Variants in CUL1 observed in about 807,000 individuals in gnomAD.
The protein encoded by CUL1 is cullin 1.
In CUL1, 24 loss-of-function variants were observed where a neutral mutation model predicts 118.0. The ratio of observed to expected loss-of-function variants is 0.20; its 90% CI spans 0.15 to 0.29. The LOEUF is 0.29. Among genes scored for constraint, CUL1 ranks in the 10% least tolerant of loss-of-function variants. CUL1 has a pLI of 1.00. For missense variants in CUL1, 361 were observed against 933.8 expected (o/e 0.39, Z 7.99); for synonymous variants, 332 against 340.4 (o/e 0.98, Z 0.27).
chr7:148,706,909 G>A (rs964500919), intron 1 of CUL1, among the ~76,000 whole-genome samples: 1 of 152,150 alleles, frequency 6.6e-6, no homozygotes, highest in South Asian at 2.1e-4. Context: ...TAAGGTATGG[G>A]AATAGGAGGG....
intron 3 of CUL1, among the ~76,000 whole-genome samples, chr7:148,756,040 G>T (rs1226184434): frequency 6.6e-6 from 1 of 152,160 alleles, no homozygotes; most frequent in African/African-American, 2.4e-5. Flanking sequence ...CGTTTTTAAA[G>T]GGTAAGGTTT....
At chr7:148,735,974 A>C (rs1460314235) in intron 2 of CUL1, among the ~76,000 whole-genome samples, 1 of 150,570 alleles carries the variant, frequency 6.6e-6, no homozygotes, top group East Asian at 2.0e-4. Context: ...GGAGTTTGAG[A>C]CCAGTCTGGG....
In CUL1 at chr7:148,703,870, G is replaced by T. The variant is rs550529469; in HGVS notation, c.-162+4841G>T. On this transcript the variant is annotated intron_variant, in intron 1 of 21. Coordinates refer to ENST00000325222, the MANE Select transcript of CUL1 (RefSeq NM_003592.3). ...AGTAGTAAAAATGGCTGTCATTTTA[G>T]GGGGGTAAGCTTGGGTGCTTTTAAA... is the stretch of plus-strand genomic sequence containing the variant. 1.6e-4 allele frequency among the ~76,000 whole-genome samples: 24 copies of T among 152,198 alleles called. No individual in the cohort carries two copies. In the East Asian group the frequency reaches 4.6e-3, roughly 29 times the overall value.
At position 148,769,033 on chromosome 7, in the gene CUL1, C is replaced by G. The variant is rs149710198; in HGVS notation, c.1083+1284C>G. The stretch of plus-strand genomic sequence containing the variant: ...AGTAAAAACTTAAGTACAGAGTCCT[C>G]AGTGTCGGCACATACAGTGTCTTTA... On this transcript the variant is annotated intron_variant, in intron 9 of 21. Transcript: ENST00000325222. 6.4e-3 allele frequency among the ~76,000 whole-genome samples: 981 copies of G among 152,220 alleles called. 16 individuals carry two copies. The highest frequency in any genetic ancestry group is 0.022 in the African/African-American group (921 of 41,522).
At chr7:148,712,906 T>C (rs966689676) in intron 1 of CUL1, among the ~76,000 whole-genome samples, 9 of 152,332 alleles carry the variant, frequency 5.9e-5, no homozygotes, top group Admixed American at 2.0e-4. Context: ...ATTATTTCTT[T>C]AGTAAAATAT....
intron 2 of CUL1, among the ~76,000 whole-genome samples, chr7:148,731,827 G>A (rs1362458528): frequency 6.6e-6 from 1 of 152,144 alleles, no homozygotes; most frequent in South Asian, 2.1e-4. Context: ...CATGCTTGGA[G>A]GCTTCATCCT....
intron 1 of CUL1, among the ~76,000 whole-genome samples, chr7:148,703,945 T>C (rs867818778): frequency 6.6e-6 from 1 of 152,118 alleles, no homozygotes; most frequent in African/African-American, 2.4e-5. Context: ...AGCATGGCGA[T>C]CTCAAGATGG....
At chr7:148,719,910 T>C (rs185832209) in intron 1 of CUL1, among the ~76,000 whole-genome samples, 203 of 152,326 alleles carry the variant, frequency 1.3e-3, no homozygotes, top group Non-Finnish European at 2.4e-3. Context: ...GGAGGTGGAA[T>C]GAGAAACTCC....
chr7:148,726,833 C>CAAAA (rs11408081), intron 1 of CUL1, among the ~76,000 whole-genome samples: 2 of 131,678 alleles, frequency 1.5e-5, no homozygotes, highest in Non-Finnish European at 1.6e-5. Context: ...CCATCTCTAC[C>CAAAA]AAAAAAAAAA....
intron 7 of CUL1, among the ~76,000 whole-genome samples, chr7:148,760,822 A>G (rs1243526994): frequency 6.6e-6 from 1 of 152,242 alleles, no homozygotes; most frequent in Non-Finnish European, 1.5e-5. Flanking sequence ...TTAAGAAACA[A>G]ATATTTTCAG....
At chr7:148,798,534 A>C (rs1366668320) in intron 19 of CUL1, 38 bp from the exon 20 acceptor site, 2 of 1,486,706 alleles carry the variant, frequency 1.3e-6, no homozygotes, top group East Asian at 4.5e-5. Flanking sequence ...CCTACCTTTT[A>C]ATATAATAGT....
chr7:148,720,661 A>AACT (rs1450922284), intron 1 of CUL1, among the ~76,000 whole-genome samples: 2 of 152,200 alleles, frequency 1.3e-5, no homozygotes, highest in African/African-American at 2.4e-5. Context: ...GGCTTCTGAC[A>AACT]ACTAAGTCAG....
At chr7:148,756,132 A>AAATCTGGATAAAAAAATCTGGATAAAAAT (rs1799649370) in intron 3 of CUL1, among the ~76,000 whole-genome samples, 1 of 152,260 alleles carries the variant, frequency 6.6e-6, no homozygotes, top group South Asian at 2.1e-4. Context: ...CAAGTTGTGG[A>AAATCTGGATAAAAAAATCTGGATAAAAAT]AATCTGGATA....
At chr7:148,766,365 ATCC>A (rs1800006337) in intron 7 of CUL1, among the ~76,000 whole-genome samples, 193 bp from the exon 8 acceptor site, 1 of 152,078 alleles carries the variant, frequency 6.6e-6, no homozygotes, top group Non-Finnish European at 1.5e-5. Flanking sequence ...GCCTCGAGCA[ATCC>A]TCCTGCTTCA....
chr7:148,789,741 G>A lies in CUL1; in HGVS notation c.1598-9G>A, dbSNP rs554051412. ...GAATGTTCACTCTCCCCTCTCTTCC[G>A]TCCCACAGTGGATTTCAGCATTCAA... On this transcript the variant is annotated splice_polypyrimidine_tract_variant and intron_variant, in intron 14 of 21. Coordinates refer to ENST00000325222, the MANE Select transcript of CUL1 (RefSeq NM_003592.3). 110 of 1,612,994 alleles carry A rather than the reference G, an allele frequency of 6.8e-5. No individual in the cohort carries two copies. The highest frequency in any genetic ancestry group is 1.9e-4 in the African/African-American group (14 of 74,942).
chr7:148,764,409 A>G (rs1489692552), intron 7 of CUL1, among the ~76,000 whole-genome samples: 1 of 152,166 alleles, frequency 6.6e-6, no homozygotes, highest in East Asian at 1.9e-4. Context: ...GCTAGTGTTG[A>G]GGCCCCTTGG....
rs189394810 is a variant in CUL1, at chr7:148,741,832, C to G, written c.140+11570C>G. Among the ~76,000 whole-genome samples the G allele has an allele frequency of 7.6e-3, 1,159 of 152,364 alleles. 13 individuals are homozygous for G. The highest frequency in any genetic ancestry group is 0.026 in the African/African-American group (1,083 of 41,576). On this transcript the variant is annotated intron_variant, in intron 2 of 21. Transcript: ENST00000325222. ...CAAGTGATTCTCCTGCCTCAGCCCC[C>G]CAAAGTGCTGGGATTGCGGGCATGA...
chr7:148,760,313 T>C lies in CUL1; in HGVS notation c.626-20T>C, dbSNP rs761263359. The C allele has an allele frequency of 3.2e-6, 5 of 1,587,106 alleles. No homozygotes were observed. The highest frequency in any genetic ancestry group is 4.3e-6 in the Non-Finnish European group (5 of 1,169,352). ...CCAAAAAAATAGGGTAATTGAAATA[T>C]AGCTCATATTCATTTCTAGTGGAAT... On this transcript the variant is annotated intron_variant, in intron 6 of 21. Coordinates refer to ENST00000325222, the MANE Select transcript of CUL1 (RefSeq NM_003592.3).
Position 148,767,745 on chromosome 7 carries a change from T to C in CUL1, c.1079T>C (p.Leu360Ser). ...ATTGAAAAGTGTGGAGAAGCTGCTT[T>C]AAATGTAAGTGAGATTTCATTGAAA... is the stretch of plus-strand genomic sequence containing the variant. ...AAIEKCGEAA[L>S]NDPKMYVQTV... Residue 360 changes from leucine to serine, a missense_variant, in exon 9 of 22, where the codon TTA becomes TCA. Transcript: ENST00000325222. 1 of 1,612,290 alleles carries C rather than the reference T, an allele frequency of 6.2e-7. No individual in the cohort carries two copies. Among genetic ancestry groups the C allele is most frequent in the Non-Finnish European group, 8.5e-7 (1 of 1,179,494 alleles).
Sources: gnomAD v4.1 joint callset for allele counts (sites outside exome capture counted in the v4.1 genomes callset) on GRCh38, gnomAD v4.1.1 for gene constraint, MANE v1.5 for transcripts, NCBI Gene and HGNC (gene_info 2026-07-23, HGNC 2026-07-21) for gene names.